ARL15: variants seen among roughly 807,000 people sequenced by gnomAD.
The protein encoded by ARL15 is ADP-ribosylation factor-like protein 15.
In ARL15, 19 loss-of-function variants were observed where a neutral mutation model predicts 25.2. The observed-to-expected ratio is 0.75, with a 90% confidence interval of 0.53 to 1.10. The LOEUF is 1.10. Ranked by LOEUF, ARL15 falls within the 50% of genes least tolerant of loss-of-function variation. The probability of loss-of-function intolerance (pLI) is 0.00; values close to 1 mark genes in which losing one functional copy is unlikely to be tolerated. For synonymous variants in ARL15, 94 were observed against 86.8 expected, an observed-to-expected ratio of 1.08 and a Z score of -0.46; for missense variants, 220 against 246.0, an observed-to-expected ratio of 0.89 and a Z score of 0.71.
intron 4 of ARL15, among the ~76,000 whole-genome samples, chr5:54,036,944 C>T (rs1276016274): frequency 2.0e-5 from 3 of 151,948 alleles, no homozygotes; most frequent in Admixed American, 1.3e-4. Flanking sequence ...TGGTAATTTA[C>T]GTAAAAGCGA....
intron 1 of ARL15, among the ~76,000 whole-genome samples, chr5:54,178,069 C>T (rs954727196): frequency 2.0e-5 from 3 of 152,176 alleles, no homozygotes; most frequent in African/African-American, 7.2e-5. Flanking sequence ...CTTAATCTTA[C>T]AGCTACCAAG....
chr5:53,963,423 T>C (rs749494551), intron 4 of ARL15, among the ~76,000 whole-genome samples: 2 of 152,186 alleles, frequency 1.3e-5, no homozygotes, highest in Non-Finnish European at 2.9e-5. Context: ...GAAAGGCAAG[T>C]TTCAGCTTTA....
intron 4 of ARL15, among the ~76,000 whole-genome samples, chr5:53,927,123 C>A (rs1364912413): frequency 6.6e-6 from 1 of 152,078 alleles, no homozygotes; most frequent in Non-Finnish European, 1.5e-5. Flanking sequence ...ACCATTTCCA[C>A]CCTCCATTTA....
intron 4 of ARL15, among the ~76,000 whole-genome samples, chr5:53,906,094 T>C (rs1330558707): frequency 1.3e-5 from 2 of 152,214 alleles, no homozygotes; most frequent in Non-Finnish European, 2.9e-5. Context: ...ACAACACATG[T>C]AACCTGCACA....
intron 1 of ARL15, among the ~76,000 whole-genome samples, chr5:54,268,235 A>G (rs1469021166): frequency 6.6e-6 from 1 of 151,922 alleles, no homozygotes; most frequent in Non-Finnish European, 1.5e-5. Flanking sequence ...CATCACTGAT[A>G]CCCTTTCTTC....
rs1163378170 is a variant in ARL15 at position 53,967,643 on chromosome 5, G to A, written c.463-80930C>T. ...TAACCTAAGACTTGTGAGGTGTCCAGTAGGGTGCTGGATACACAGAGCTGC... is the reference window on the plus strand; with the variant it reads ...TAACCTAAGACTTGTGAGGTGTCCAATAGGGTGCTGGATACACAGAGCTGC... On this transcript the variant is annotated intron_variant, in intron 4 of 4. Coordinates refer to ENST00000504924, the MANE Select transcript of ARL15 (RefSeq NM_019087.3). 2.0e-5 allele frequency among the ~76,000 whole-genome samples: 3 copies of A among 152,204 alleles called. No individual in the cohort carries two copies. In the East Asian group the frequency reaches 5.8e-4, roughly 29 times the overall value.
At chr5:53,922,594 C>G (rs943369304) in intron 4 of ARL15, among the ~76,000 whole-genome samples, 1 of 152,182 alleles carries the variant, frequency 6.6e-6, no homozygotes, top group Non-Finnish European at 1.5e-5. Flanking sequence ...TCTACCAAGC[C>G]AGGAATTACT....
In ARL15 at chr5:54,212,795, G is replaced by C. The variant is rs192407695; in HGVS notation, c.49-40867C>G. On this transcript the variant is annotated intron_variant, in intron 1 of 4. Transcript: ENST00000504924. ...TGGTAGGGGTGGGGAACAAATAAGA[G>C]TGAATCTACTGTTAGCTACCTAAAA... is the stretch of plus-strand genomic sequence containing the variant. 5.9e-5 allele frequency among the ~76,000 whole-genome samples: 9 copies of C among 152,302 alleles called. No individual in the cohort carries two copies. The East Asian group carries it at 1.7e-3, about 29-fold the overall frequency.
chr5:54,204,763 G>A (rs181722163), intron 1 of ARL15, among the ~76,000 whole-genome samples: 3 of 152,246 alleles, frequency 2.0e-5, no homozygotes, highest in Admixed American at 6.5e-5. Context: ...ATAATTAAAG[G>A]ATCAGTTCTG....
intron 4 of ARL15, among the ~76,000 whole-genome samples, chr5:54,060,531 T>C (rs1054714989): frequency 6.6e-6 from 1 of 152,196 alleles, no homozygotes; most frequent in Non-Finnish European, 1.5e-5. Flanking sequence ...CCACGTAAGA[T>C]GTGACTTGCT....
At chr5:54,263,818 AC>A (rs1193586450) in intron 1 of ARL15, among the ~76,000 whole-genome samples, 1 of 151,952 alleles carries the variant, frequency 6.6e-6, no homozygotes, top group Non-Finnish European at 1.5e-5. Flanking sequence ...TGTATTTCCA[AC>A]ATGGCACCTC....
At chr5:54,220,148 A>G (rs1756330006) in intron 1 of ARL15, among the ~76,000 whole-genome samples, 1 of 152,142 alleles carries the variant, frequency 6.6e-6, no homozygotes, top group Admixed American at 6.5e-5. Context: ...TACAATGCCT[A>G]GTTATTTATG....
At chr5:54,092,074 C>CACACACACACACACACACACACT (rs1561220828) in intron 4 of ARL15, among the ~76,000 whole-genome samples, 3 of 95,910 alleles carry the variant, frequency 3.1e-5, no homozygotes, top group African/African-American at 1.1e-4. Flanking sequence ...ACACACACAC[C>CACACACACACACACACACACACT]ACCACCACCA....
intron 4 of ARL15, among the ~76,000 whole-genome samples, chr5:54,029,094 T>C (rs761508173): frequency 2.0e-5 from 3 of 152,048 alleles, no homozygotes; most frequent in Non-Finnish European, 4.4e-5. Context: ...TGTTTTAGAT[T>C]GCAGGTTCTT....
At chr5:54,056,048 A>G (rs1449160629) in intron 4 of ARL15, among the ~76,000 whole-genome samples, 1 of 152,132 alleles carries the variant, frequency 6.6e-6, no homozygotes, top group Non-Finnish European at 1.5e-5. Flanking sequence ...CATTTATTAT[A>G]CAAAAGGAGT....
chr5:54,108,243 T>C (rs1752644911), intron 4 of ARL15, among the ~76,000 whole-genome samples: 1 of 152,136 alleles, frequency 6.6e-6, no homozygotes, highest in Non-Finnish European at 1.5e-5. Flanking sequence ...CCTCTCATTG[T>C]TTCCTCAATA....
intron 2 of ARL15, among the ~76,000 whole-genome samples, chr5:54,163,116 T>G (rs1400444250): frequency 6.6e-6 from 1 of 152,112 alleles, no homozygotes; most frequent in Non-Finnish European, 1.5e-5. Flanking sequence ...AAATTGATGC[T>G]GAGTTTTTTT....
chr5:54,272,712 C>T (rs78619863), intron 1 of ARL15, among the ~76,000 whole-genome samples: 1,936 of 152,298 alleles, frequency 0.013, 45 homozygotes, highest in African/African-American at 0.044. Flanking sequence ...TTTCCCACTC[C>T]CTCTTCTGTG....
chr5:54,209,491 T>G (rs997948445), intron 1 of ARL15, among the ~76,000 whole-genome samples: 3 of 152,172 alleles, frequency 2.0e-5, no homozygotes, highest in African/African-American at 4.8e-5. Context: ...TTATTTGATC[T>G]TTTAGAAAAT....
Sources: allele counts gnomAD v4.1 joint callset (sites outside exome capture counted in the v4.1 genomes callset), GRCh38; gene constraint gnomAD v4.1.1; transcripts MANE v1.5; gene names NCBI Gene and HGNC (gene_info 2026-07-23, HGNC 2026-07-21).